GSTCD: variants seen among roughly 807,000 people sequenced by gnomAD.
The protein encoded by GSTCD is glutathione S-transferase C-terminal domain-containing protein.
GSTCD carries 44 observed loss-of-function variants against 68.3 expected under a neutral mutation model. The observed-to-expected ratio is 0.64, with a 90% CI of 0.51 to 0.83. GSTCD has a LOEUF of 0.83. Ranked by LOEUF, GSTCD falls within the 40% of genes least tolerant of loss-of-function variation. The pLI is 0.00. For missense variants in GSTCD, 739 were observed against 735.9 expected (o/e 1.00, Z -0.05); for synonymous variants, 273 against 255.2 (o/e 1.07, Z -0.67).
chr4:105,835,011 C>A (rs1413712018), intron 9 of GSTCD, among the ~76,000 whole-genome samples: 1 of 152,132 alleles, frequency 6.6e-6, no homozygotes. Context: ...TACTTAAAAT[C>A]TTTTTGCCTT....
intron 5 of GSTCD, among the ~76,000 whole-genome samples, chr4:105,739,253 G>A (rs562918635): frequency 6.6e-6 from 1 of 152,200 alleles, no homozygotes; most frequent in South Asian, 2.1e-4. Flanking sequence ...TTTTGTTGAG[G>A]ATTTTTGCAT....
intron 5 of GSTCD, among the ~76,000 whole-genome samples, chr4:105,778,557 TG>T (rs1184263287): frequency 6.6e-6 from 1 of 152,150 alleles, no homozygotes; most frequent in Non-Finnish European, 1.5e-5. Context: ...AGGATTATCA[TG>T]CCATTTTTTT....
chr4:105,775,498 T>C (rs755240448), intron 5 of GSTCD, among the ~76,000 whole-genome samples: 6 of 152,126 alleles, frequency 3.9e-5, no homozygotes, highest in Non-Finnish European at 7.4e-5. Context: ...CTACCTTTGG[T>C]CTTCATGTTG....
At chr4:105,745,023 A>G (rs540922769) in intron 5 of GSTCD, among the ~76,000 whole-genome samples, 1 of 152,344 alleles carries the variant, frequency 6.6e-6, no homozygotes, top group Non-Finnish European at 1.5e-5. Context: ...ATGAGTTTAT[A>G]CAGATACATC....
Position 105,729,400 on chromosome 4 carries a change from T to G in GSTCD, c.1147-6T>G. 1 of 1,581,900 alleles carries G rather than the reference T, an allele frequency of 6.3e-7. No individual in the cohort carries two copies. The stretch of plus-strand genomic sequence containing the variant: ...TAATTTAGAAAGAGGCTATTTCCTT[T>G]TCTAGGAAAAGGGCATTGAAGTGAT... On this transcript the variant is annotated splice_polypyrimidine_tract_variant and splice_region_variant and intron_variant, in intron 4 of 11. Coordinates refer to ENST00000515279, the MANE Select transcript of GSTCD (RefSeq NM_001370181.1).
intron 5 of GSTCD, among the ~76,000 whole-genome samples, chr4:105,769,233 GCACACACACACACA>G (rs57039503): frequency 2.4e-4 from 35 of 146,330 alleles, no homozygotes; most frequent in African/African-American, 6.3e-4. Context: ...ATACACGCGC[GCACACACACACACA>G]CACACACACA....
At chr4:105,763,855 A>G (rs1187605034) in intron 5 of GSTCD, among the ~76,000 whole-genome samples, 1 of 152,156 alleles carries the variant, frequency 6.6e-6, no homozygotes, top group Non-Finnish European at 1.5e-5. Flanking sequence ...ATACATGTTT[A>G]GTAATAATTT....
Position 105,719,011 on chromosome 4 carries a change from A to G in GSTCD, c.427-49A>G, listed in dbSNP as rs373329653. The stretch of plus-strand genomic sequence containing the variant: ...AGACAGTTATTTTTTCTAAAGTTAT[A>G]TTGAAATTAAAAAATCTTTTCATTT... On this transcript the variant is annotated intron_variant, in intron 2 of 11. Coordinates refer to ENST00000515279, the MANE Select transcript of GSTCD (RefSeq NM_001370181.1). The G allele has an allele frequency of 2.2e-5, 30 of 1,388,758 alleles. No homozygotes were observed. In the African/African-American group the frequency reaches 3.1e-4, roughly 14 times the overall value. 86.0% of individuals were successfully genotyped at this position (1,388,758 alleles called of 1,614,324 possible).
Position 105,845,492 on chromosome 4 carries a change from A to T in GSTCD, c.1817A>T (p.Glu606Val). ...VDLDRARAAE[E>V]CGYSVQVISM... ...CTGGATCGAGCAAGAGCTGCAGAAGAATGTGGATACTCCGTTCAAGTGATA... is the reference window on the plus strand; with the variant it reads ...CTGGATCGAGCAAGAGCTGCAGAAGTATGTGGATACTCCGTTCAAGTGATA... Residue 606 changes from glutamate to valine, a missense_variant, in exon 12 of 12, where the codon GAA (glutamate) becomes GTA (valine). Coordinates refer to ENST00000515279, the MANE Select transcript of GSTCD (RefSeq NM_001370181.1). The T allele has an allele frequency of 6.2e-7, 1 of 1,614,140 alleles. No individual in the cohort carries two copies. The highest frequency in any genetic ancestry group is 8.5e-7 in the Non-Finnish European group (1 of 1,180,004).
At chr4:105,712,884 A>G (rs559822995) in intron 1 of GSTCD, among the ~76,000 whole-genome samples, 7 of 152,196 alleles carry the variant, frequency 4.6e-5, no homozygotes, top group Admixed American at 2.0e-4. Context: ...GGAGATGTCA[A>G]GTAGAATATA....
In GSTCD at chr4:105,719,180, C is replaced by T; in HGVS notation, c.547C>T (p.Leu183Phe). Residue 183 changes from leucine (L) to phenylalanine (F), a missense_variant, in exon 3 of 12, where the codon CTT becomes TTT. Transcript: ENST00000515279. The part of the protein sequence containing the change: ...PVEILQLEKK[L>F]SEPVRVHNDD... ...AGAAATACTACAGCTAGAGAAAAAG[C>T]TTAGTGAGCCTGTTAGAGTGCATAA... is the stretch of plus-strand genomic sequence containing the variant. The T allele has an allele frequency of 6.2e-7, 1 of 1,614,034 alleles. No individual in the cohort carries two copies. Among genetic ancestry groups the T allele is most frequent in the Non-Finnish European group, 8.5e-7 (1 of 1,179,986 alleles).
chr4:105,731,501 T>C (rs1279191468), intron 5 of GSTCD, among the ~76,000 whole-genome samples: 1 of 152,122 alleles, frequency 6.6e-6, no homozygotes, highest in Non-Finnish European at 1.5e-5. Context: ...CAATTGTGAA[T>C]GGGAGTTCAC....
chr4:105,783,570 CTGTATATG>C (rs1735357259), intron 5 of GSTCD, among the ~76,000 whole-genome samples: 1 of 151,910 alleles, frequency 6.6e-6, no homozygotes, highest in African/African-American at 2.4e-5. Flanking sequence ...CTCTCTCCCT[CTGTATATG>C]TGTGTATGTG....
chr4:105,777,165 T>C (rs530331563), intron 5 of GSTCD, among the ~76,000 whole-genome samples: 2 of 152,348 alleles, frequency 1.3e-5, no homozygotes, highest in South Asian at 2.1e-4. Flanking sequence ...AATATATTGA[T>C]ACATTTTTAT....
intron 5 of GSTCD, among the ~76,000 whole-genome samples, chr4:105,774,279 C>A (rs1028970016): frequency 6.6e-6 from 1 of 152,170 alleles, no homozygotes; most frequent in Non-Finnish European, 1.5e-5. Flanking sequence ...TTGAATAGAG[C>A]ACACTGATGG....
chr4:105,729,568 C>G, intron 5 of GSTCD, 69 bp downstream of exon 5: 1 of 974,260 alleles, frequency 1.0e-6, no homozygotes, highest in East Asian at 2.4e-5. Flanking sequence ...TCTTCTAATT[C>G]TCTAAATCTC....
chr4:105,766,546 T>C (rs1734614789), intron 5 of GSTCD, among the ~76,000 whole-genome samples: 1 of 152,160 alleles, frequency 6.6e-6, no homozygotes, highest in Non-Finnish European at 1.5e-5. Context: ...CTTAGAGTCA[T>C]CTGGTTTTTT....
At chr4:105,768,841 T>C (rs1734721139) in intron 5 of GSTCD, among the ~76,000 whole-genome samples, 1 of 151,584 alleles carries the variant, frequency 6.6e-6, no homozygotes, top group Non-Finnish European at 1.5e-5. Context: ...TCTCATATAA[T>C]CTATTCTATA....
At chr4:105,735,388 C>T (rs769585877) in intron 5 of GSTCD, among the ~76,000 whole-genome samples, 31 of 152,334 alleles carry the variant, frequency 2.0e-4, no homozygotes, top group Non-Finnish European at 4.4e-4. Context: ...GCACCCCTTC[C>T]CCAGCCTCGC....
Sources: gnomAD v4.1 joint callset for allele counts (sites outside exome capture counted in the v4.1 genomes callset) on GRCh38, gnomAD v4.1.1 for gene constraint, MANE v1.5 for transcripts, NCBI Gene and HGNC (gene_info 2026-07-23, HGNC 2026-07-21) for gene names.